The following MED13L variants were observed in gnomAD, a reference collection of about 807,000 sequenced individuals.
The protein encoded by MED13L is mediator of RNA polymerase II transcription subunit 13-like.
MED13L carries 7 observed loss-of-function variants against 220.9 expected under a neutral mutation model. The observed-to-expected ratio is 0.03, with a 90% CI of 0.02 to 0.06. The LOEUF (loss-of-function observed/expected upper bound fraction) is 0.06. Among genes scored for constraint, MED13L ranks in the 10% least tolerant of loss-of-function variants. The pLI is 1.00. For synonymous variants in MED13L, 1,011 were observed against 1,015.2 expected, an observed-to-expected ratio of 1.00 and a Z score of 0.08; for missense variants, 1,965 against 2,760.5, an observed-to-expected ratio of 0.71 and a Z score of 6.46.
At chr12:116,276,050 G>C (rs1270416703) in intron 1 of MED13L, among the ~76,000 whole-genome samples, 1 of 152,162 alleles carries the variant, frequency 6.6e-6, no homozygotes, top group Non-Finnish European at 1.5e-5. Context: ...AAAAAGCAAA[G>C]ATGGCATTTA....
chr12:116,031,722 A>G (rs1880797459), intron 4 of MED13L, among the ~76,000 whole-genome samples: 1 of 83,992 alleles, frequency 1.2e-5, no homozygotes, highest in African/African-American at 6.2e-5. Flanking sequence ...AAAGAAAAGA[A>G]AAGAAAAGAA....
chr12:116,241,338 A>G (rs940333718), intron 1 of MED13L, among the ~76,000 whole-genome samples: 2 of 151,356 alleles, frequency 1.3e-5, no homozygotes, highest in African/African-American at 2.4e-5. Flanking sequence ...AAAACAAAAA[A>G]AAAACACACA....
Position 115,997,086 on chromosome 12 carries a change from A to T in MED13L, c.2714T>A (p.Met905Lys), listed in dbSNP as rs1438717722. 6.2e-7 allele frequency: 1 copy of T among 1,614,112 alleles called. No individual in the cohort carries two copies. Among genetic ancestry groups the T allele is most frequent in the South Asian group, 1.1e-5 (1 of 91,070 alleles). Residue 905 changes from methionine to lysine, a missense_variant, in exon 15 of 31, where the codon ATG (methionine) becomes AAG (lysine). Physicochemically the swap from Met to Lys is moderately conservative, Grantham distance 95. This residue lies in a region of MED13L where 233 missense variants were observed against 306.2 expected (regional missense o/e 0.76). Transcript: ENST00000281928. ...GAATTCTGTGAGTTGTGTTGAAACC[A>T]TACTGACCATAGGGCTCTCCATCAT... ...LGMMESPMVS[M>K]VSTQLTEFKM...
intron 4 of MED13L, among the ~76,000 whole-genome samples, chr12:116,048,847 T>C (rs1465733003): frequency 6.6e-6 from 1 of 152,234 alleles, no homozygotes; most frequent in African/African-American, 2.4e-5. Context: ...TTAATATTAC[T>C]TTAAGGAGAG....
intron 2 of MED13L, among the ~76,000 whole-genome samples, chr12:116,177,924 C>A (rs1880194329): frequency 6.6e-6 from 1 of 152,134 alleles, no homozygotes; most frequent in South Asian, 2.1e-4. Flanking sequence ...GGCACAATCA[C>A]GGCTCACTGC....
At chr12:116,113,136 ATTCCAAGTCTACCTCTTCTGAATCACTC>A (rs1874221554) in intron 2 of MED13L, among the ~76,000 whole-genome samples, 1 of 152,186 alleles carries the variant, frequency 6.6e-6, no homozygotes, top group Non-Finnish European at 1.5e-5. Context: ...CTACATCAAT[ATTCCAAGTCTACCTCTTCTGAATCACTC>A]TTCAACCCAG....
chr12:115,969,879 G>A (rs1207233963), intron 27 of MED13L, among the ~76,000 whole-genome samples: 1 of 152,028 alleles, frequency 6.6e-6, no homozygotes, highest in Non-Finnish European at 1.5e-5. Context: ...TACACTCACA[G>A]CAGAAAATTT....
chr12:116,124,904 G>GA (rs1425174222), intron 2 of MED13L, among the ~76,000 whole-genome samples: 1 of 151,908 alleles, frequency 6.6e-6, no homozygotes, highest in Non-Finnish European at 1.5e-5. Flanking sequence ...TAGTTGACAG[G>GA]AAAAAAATAT....
chr12:116,006,381 T>C lies in MED13L; in HGVS notation c.2269A>G (p.Thr757Ala), dbSNP rs1452939510. ...SEDGFGTKDVTTPGHSTPVPD... is the reference protein window; with the variant it reads ...SEDGFGTKDVATPGHSTPVPD... ...ACCGGCGTGGAATGACCTGGTGTAG[T>C]GACATCCTTGGTACCAAATCCATCC... The change falls in exon 12 of 31, where the codon ACT becomes GCT. Residue 757 changes from threonine (T) to alanine (A), a missense_variant. Thr to Ala is a moderately conservative substitution (Grantham distance 58). This residue lies in a region of MED13L where 818 missense variants were observed against 1,041.2 expected (regional missense o/e 0.79). Coordinates refer to ENST00000281928, the MANE Select transcript of MED13L (RefSeq NM_015335.5). 6.2e-7 allele frequency: 1 copy of C among 1,614,006 alleles called. No individual in the cohort carries two copies.
chr12:115,992,492 T>A (rs1274718491), intron 16 of MED13L, among the ~76,000 whole-genome samples: 4 of 152,202 alleles, frequency 2.6e-5, no homozygotes, highest in African/African-American at 9.7e-5. Context: ...CAAATACACA[T>A]GAAAATTTAA....
At chr12:116,225,961 C>CT (rs1324824293) in intron 2 of MED13L, among the ~76,000 whole-genome samples, 3 of 151,794 alleles carry the variant, frequency 2.0e-5, no homozygotes, top group Non-Finnish European at 4.4e-5. Flanking sequence ...GAGGAAAAGA[C>CT]TAACAACAGA....
intron 2 of MED13L, among the ~76,000 whole-genome samples, chr12:116,182,502 TTC>T (rs1880596700): frequency 6.6e-6 from 1 of 152,100 alleles, no homozygotes; most frequent in African/African-American, 2.4e-5. Context: ...ACTCTCTCTT[TTC>T]TCTTACACTA....
At chr12:116,005,791 A>G in intron 13 of MED13L, 78 bp downstream of exon 13, 7 of 1,571,710 alleles carry the variant, frequency 4.5e-6, no homozygotes, top group Non-Finnish European at 6.1e-6. Flanking sequence ...ACACCAAACT[A>G]TAAAGAAATA....
At chr12:115,989,016 T>C (rs1877886473) in intron 17 of MED13L, among the ~76,000 whole-genome samples, 2 of 152,232 alleles carry the variant, frequency 1.3e-5, no homozygotes, top group Admixed American at 6.5e-5. Context: ...CCTTTAATGC[T>C]TTCTTAGTCA....
At chr12:116,233,648 T>C (rs994916444) in intron 2 of MED13L, among the ~76,000 whole-genome samples, 1 of 152,230 alleles carries the variant, frequency 6.6e-6, no homozygotes, top group East Asian at 1.9e-4. Flanking sequence ...TTAACTGCTA[T>C]ATATGCTGCT....
chr12:116,277,600 C>T lies in MED13L; in HGVS notation c.-469G>A. 6.7e-6 allele frequency among the ~76,000 whole-genome samples: 1 copy of T among 149,490 alleles called. No individual in the cohort carries two copies. ...GCGGGCGACCCCGGCAGCCGAGCGA[C>T]GTCCCCTCCTTCCTCTTCCTCCCCC... On this transcript the variant is annotated 5_prime_UTR_variant, in exon 1 of 31. Coordinates refer to ENST00000281928, the MANE Select transcript of MED13L (RefSeq NM_015335.5).
intron 4 of MED13L, among the ~76,000 whole-genome samples, chr12:116,067,969 T>C (rs1052336671): frequency 2.6e-5 from 4 of 152,352 alleles, no homozygotes; most frequent in Admixed American, 6.5e-5. Flanking sequence ...AAAGATGATA[T>C]GTGAAAGGGT....
intron 4 of MED13L, among the ~76,000 whole-genome samples, chr12:116,069,292 T>C (rs1466689305): frequency 6.6e-6 from 1 of 152,192 alleles, no homozygotes; most frequent in Non-Finnish European, 1.5e-5. Context: ...TCCCTTCACA[T>C]ATCACTGTTT....
chr12:115,991,668 C>T lies in MED13L; in HGVS notation c.3286G>A (p.Glu1096Lys). The T allele has an allele frequency of 6.2e-7, 1 of 1,613,988 alleles. No homozygotes were observed. ...PSTTRPLNSV[E>K]PATMQPIPEA... ...GGAATTGGCTGCATGGTGGCGGGCTCCACAGAGTTGAGGGGCCGTGTAGTA... is the reference window on the plus strand; with the variant it reads ...GGAATTGGCTGCATGGTGGCGGGCTTCACAGAGTTGAGGGGCCGTGTAGTA... Residue 1096 changes from glutamate (E) to lysine (K), a missense_variant, in exon 17 of 31, where the codon GAG becomes AAG. Coordinates refer to ENST00000281928, the MANE Select transcript of MED13L (RefSeq NM_015335.5). This position sits in a 1 kb window ranked among gnomAD's most constrained non-coding sequence, Gnocchi z 7.7.
Sources: allele counts gnomAD v4.1 joint callset (sites outside exome capture counted in the v4.1 genomes callset), GRCh38; gene constraint gnomAD v4.1.1; regional missense constraint gnomAD v4.1.1; non-coding constraint Gnocchi (gnomAD v3.1); transcripts MANE v1.5; gene names NCBI Gene and HGNC (gene_info 2026-07-23, HGNC 2026-07-21).